C7orf78: variants seen among roughly 807,000 people sequenced by gnomAD.
The protein encoded by C7orf78 is chromosome 7 open reading frame 78, also known as putative uncharacterized protein C7orf78.
At chr7:12,532,125 T>C in the C7orf78 span, among the ~76,000 whole-genome samples, 3 of 152,312 alleles carry the variant, frequency 2.0e-5, no homozygotes, top group South Asian at 6.2e-4. Context: ...TGAACATGCC[T>C]GGTCCCAGGT....
the C7orf78 span, among the ~76,000 whole-genome samples, chr7:12,528,079 G>C: frequency 1.4e-5 from 2 of 145,160 alleles, no homozygotes; most frequent in East Asian, 4.4e-4. Context: ...CACTCACTTT[G>C]GTAGAAAATG....
chr7:12,499,567 C>A, the C7orf78 span, among the ~76,000 whole-genome samples: 1 of 148,950 alleles, frequency 6.7e-6, no homozygotes, highest in African/African-American at 2.5e-5. Flanking sequence ...CAGGAGCACC[C>A]AGATTCATAA....
At chr7:12,513,872 T>G in the C7orf78 span, among the ~76,000 whole-genome samples, 1 of 151,978 alleles carries the variant, frequency 6.6e-6, no homozygotes, top group Non-Finnish European at 1.5e-5. Flanking sequence ...TGGTGGTGGG[T>G]GCCTGTAGTC....
At chr7:12,504,136 T>C in the C7orf78 span, among the ~76,000 whole-genome samples, 10 of 152,202 alleles carry the variant, frequency 6.6e-5, no homozygotes, top group Admixed American at 2.6e-4. Context: ...TATCACTTTA[T>C]AAAGCAGATT....
chr7:12,534,128 T>G, the C7orf78 span, among the ~76,000 whole-genome samples: 2 of 152,316 alleles, frequency 1.3e-5, no homozygotes, highest in East Asian at 3.9e-4. Context: ...CTGTGTTGGA[T>G]CTCCCTCCCC....
At chr7:12,489,418 C>T in the C7orf78 span, among the ~76,000 whole-genome samples, 3 of 152,090 alleles carry the variant, frequency 2.0e-5, no homozygotes, top group Non-Finnish European at 4.4e-5. Context: ...TTTATTTTAA[C>T]TAAGAAGCAG....
the C7orf78 span, among the ~76,000 whole-genome samples, chr7:12,503,613 T>C: frequency 1.3e-5 from 2 of 152,112 alleles, no homozygotes; most frequent in Non-Finnish European, 2.9e-5. Flanking sequence ...TTCTTTCTTT[T>C]TTTTTTTAAT....
chr7:12,539,325 G>A, the C7orf78 span, among the ~76,000 whole-genome samples: 1,331 of 152,176 alleles, frequency 8.7e-3, 16 homozygotes, highest in African/African-American at 0.031. Context: ...TTAGCCGGGC[G>A]TGGTGGCACG....
the C7orf78 span, among the ~76,000 whole-genome samples, chr7:12,527,001 C>T: frequency 0.22 from 8,747 of 38,958 alleles, 329 homozygotes; most frequent in African/African-American, 0.3. Context: ...AGCTGTGTAA[C>T]TGAAATGGAA....
chr7:12,527,810 CT>C, the C7orf78 span, among the ~76,000 whole-genome samples: 4 of 149,384 alleles, frequency 2.7e-5, no homozygotes. Flanking sequence ...AACATGTCAG[CT>C]TTCCTAGTAT....
At chr7:12,506,581 A>G in the C7orf78 span, among the ~76,000 whole-genome samples, 1 of 152,078 alleles carries the variant, frequency 6.6e-6, no homozygotes, top group Non-Finnish European at 1.5e-5. Flanking sequence ...CATACGTGGG[A>G]GTTCAACAAT....
the C7orf78 span, among the ~76,000 whole-genome samples, chr7:12,487,516 A>G: frequency 6.6e-5 from 10 of 152,170 alleles, no homozygotes; most frequent in Non-Finnish European, 1.5e-4. Flanking sequence ...AAACTCCTCC[A>G]TTTATTTCCT....
chr7:12,498,752 C>T, the C7orf78 span, among the ~76,000 whole-genome samples: 272 of 149,066 alleles, frequency 1.8e-3, 2 homozygotes, highest in African/African-American at 6.3e-3. Context: ...AGATACTCCT[C>T]GAGAAGAGCA....
the C7orf78 span, among the ~76,000 whole-genome samples, chr7:12,539,924 G>C: frequency 6.6e-6 from 1 of 152,144 alleles, no homozygotes; most frequent in East Asian, 1.9e-4. Flanking sequence ...TCACTTCTTG[G>C]ATACCTTTTT....
At chr7:12,514,295 A>G in the C7orf78 span, among the ~76,000 whole-genome samples, 15 of 152,074 alleles carry the variant, frequency 9.9e-5, no homozygotes, top group Non-Finnish European at 2.1e-4. Flanking sequence ...CTTTACCATT[A>G]TATAACAATA....
At chr7:12,540,335 AT>A in the C7orf78 span, among the ~76,000 whole-genome samples, 1 of 152,222 alleles carries the variant, frequency 6.6e-6, no homozygotes, top group Non-Finnish European at 1.5e-5. Flanking sequence ...ACTGGTGCTA[AT>A]ACAGAAGGAA....
chr7:12,507,867 G>C, the C7orf78 span, among the ~76,000 whole-genome samples: 1 of 152,054 alleles, frequency 6.6e-6, no homozygotes, highest in African/African-American at 2.4e-5. Flanking sequence ...AATACCATGG[G>C]TTTTGTGCAT....
the C7orf78 span, among the ~76,000 whole-genome samples, chr7:12,535,183 T>C: frequency 6.6e-6 from 1 of 152,326 alleles, no homozygotes; most frequent in East Asian, 1.9e-4. Flanking sequence ...CATAGGTTTA[T>C]TCATCCATTT....
chr7:12,506,231 T>C, the C7orf78 span, among the ~76,000 whole-genome samples: 1 of 152,208 alleles, frequency 6.6e-6, no homozygotes, highest in East Asian at 1.9e-4. Flanking sequence ...GAAGACAGCG[T>C]GGCGATTCCT....
Sources: allele counts gnomAD v4.1 joint callset (sites outside exome capture counted in the v4.1 genomes callset), GRCh38; gene constraint gnomAD v4.1.1; transcripts MANE v1.5; gene names NCBI Gene and HGNC (gene_info 2026-07-23, HGNC 2026-07-21).